Variants in TMEFF1 observed in about 807,000 individuals in gnomAD.
TMEFF1 encodes the protein tomoregulin-1.
TMEFF1 carries 20 observed loss-of-function variants against 47.5 expected under a neutral mutation model. The observed-to-expected ratio is 0.42, with a 90% CI of 0.30 to 0.61. The LOEUF (loss-of-function observed/expected upper bound fraction) is 0.61. TMEFF1 is among the 20% of genes least tolerant of loss of function. The probability of loss-of-function intolerance (pLI) is 0.19; values close to 1 mark genes in which losing one functional copy is unlikely to be tolerated. For synonymous variants in TMEFF1, 162 were observed against 166.3 expected, an observed-to-expected ratio of 0.97 and a Z score of 0.20; for missense variants, 411 against 471.1, an observed-to-expected ratio of 0.87 and a Z score of 1.18.
intron 1 of TMEFF1, among the ~76,000 whole-genome samples, chr9:100,496,583 T>G (rs1001166199): frequency 6.6e-6 from 1 of 152,206 alleles, no homozygotes; most frequent in Non-Finnish European, 1.5e-5. Flanking sequence ...GGGATGATTA[T>G]TCCCCTAAAG....
intron 5 of TMEFF1, among the ~76,000 whole-genome samples, chr9:100,536,968 T>TATG (rs1157835316): frequency 1.3e-5 from 2 of 152,242 alleles, no homozygotes; most frequent in Non-Finnish European, 2.9e-5. Flanking sequence ...TTGTCAACAT[T>TATG]ATGAATATGT....
At chr9:100,492,531 G>T (rs1170311686) in intron 1 of TMEFF1, among the ~76,000 whole-genome samples, 1 of 152,194 alleles carries the variant, frequency 6.6e-6, no homozygotes, top group Admixed American at 6.5e-5. Context: ...CATAGGCATT[G>T]CTCTGTAGGT....
chr9:100,538,907 A>G (rs1838569071), intron 5 of TMEFF1, among the ~76,000 whole-genome samples: 1 of 151,522 alleles, frequency 6.6e-6, no homozygotes, highest in Non-Finnish European at 1.5e-5. Context: ...CGAGTAGGAG[A>G]TATTCTTTTT....
chr9:100,497,899 C>T (rs1395352067), intron 1 of TMEFF1, among the ~76,000 whole-genome samples: 1 of 151,724 alleles, frequency 6.6e-6, no homozygotes, highest in African/African-American at 2.4e-5. Context: ...ATGTATTCAC[C>T]ACTACACTGG....
chr9:100,544,289 G>A (rs1002927095), intron 5 of TMEFF1, among the ~76,000 whole-genome samples: 1 of 152,124 alleles, frequency 6.6e-6, no homozygotes, highest in African/African-American at 2.4e-5. Flanking sequence ...AAAAGAAAGG[G>A]TTTAATTGGA....
intron 3 of TMEFF1, among the ~76,000 whole-genome samples, chr9:100,511,842 T>C (rs1837972478): frequency 6.6e-6 from 1 of 152,160 alleles, no homozygotes; most frequent in Non-Finnish European, 1.5e-5. Context: ...CGGAATCGTG[T>C]AGGTTGGGGC....
In TMEFF1 at chr9:100,545,281, A is replaced by G. The variant is rs905456154; in HGVS notation, c.561-2463A>G. 5.3e-5 allele frequency among the ~76,000 whole-genome samples: 8 copies of G among 152,060 alleles called. No homozygotes were observed. The South Asian group carries it at 1.7e-3, about 32-fold the overall frequency. ...TGCCTGGGCATCCAGGCATTTCCAT[A>G]CATCCTCTGAAATCTAGGTGGAGGT... On this transcript the variant is annotated intron_variant, in intron 5 of 9. Transcript: ENST00000374879.
intron 5 of TMEFF1, among the ~76,000 whole-genome samples, chr9:100,530,946 A>G (rs1266766095): frequency 6.6e-6 from 1 of 152,022 alleles, no homozygotes; most frequent in East Asian, 1.9e-4. Context: ...GCAAATCAAT[A>G]AATGTAATCC....
At chr9:100,537,133 T>C (rs1320542490) in intron 5 of TMEFF1, among the ~76,000 whole-genome samples, 3 of 152,054 alleles carry the variant, frequency 2.0e-5, no homozygotes, top group African/African-American at 7.2e-5. Flanking sequence ...ACCTACAGAG[T>C]TGAGTATATT....
chr9:100,528,463 A>T (rs1223053434), intron 5 of TMEFF1, among the ~76,000 whole-genome samples: 1 of 147,436 alleles, frequency 6.8e-6, no homozygotes, highest in Non-Finnish European at 1.5e-5. Context: ...TCAGGAGCCG[A>T]TGCGATCAAC....
At chr9:100,474,802 C>G (rs1032534504) in intron 1 of TMEFF1, among the ~76,000 whole-genome samples, 3 of 152,090 alleles carry the variant, frequency 2.0e-5, no homozygotes, top group African/African-American at 7.2e-5. Context: ...GCTTGCCCCC[C>G]CACAGCTGTT....
chr9:100,576,637 T>A lies in TMEFF1; in HGVS notation c.*37T>A, dbSNP rs1413906973. On this transcript the variant is annotated 3_prime_UTR_variant, in exon 10 of 10. Coordinates refer to ENST00000374879, the MANE Select transcript of TMEFF1 (RefSeq NM_003692.5). The stretch of plus-strand genomic sequence containing the variant: ...TTATATGTACACTGACCATGTGATG[T>A]ACATTTATTATGTCTTTTTTTAAAG... 1 of 1,559,896 alleles carries A rather than the reference T, an allele frequency of 6.4e-7. No homozygotes were observed. Among genetic ancestry groups the A allele is most frequent in the Non-Finnish European group, 8.6e-7 (1 of 1,157,422 alleles).
At chr9:100,515,553 T>G (rs1838051529) in intron 4 of TMEFF1, among the ~76,000 whole-genome samples, 1 of 152,070 alleles carries the variant, frequency 6.6e-6, no homozygotes, top group South Asian at 2.1e-4. Flanking sequence ...TTTGGGAGAC[T>G]GAGGTGGGCG....
Position 100,509,210 on chromosome 9 carries a change from G to A in TMEFF1, c.436+76G>A, listed in dbSNP as rs555490522. 46 of 1,402,342 alleles carry A rather than the reference G, an allele frequency of 3.3e-5. No individual in the cohort carries two copies. The South Asian group carries it at 7.5e-4, about 23-fold the overall frequency. The allele number at this position is 1,402,342 out of a possible 1,614,324, so 86.9% of individuals were successfully genotyped here. On this transcript the variant is annotated intron_variant, in intron 3 of 9. Transcript: ENST00000374879. ...TTCTAAAAGGGGGTTTTGAGTCAGA[G>A]GTATATTTCCACAACTGCTGTGTGG...
chr9:100,546,887 C>G lies in TMEFF1; in HGVS notation c.561-857C>G, dbSNP rs1032792189. Among the ~76,000 whole-genome samples, 5 of 152,182 alleles carry G rather than the reference C, an allele frequency of 3.3e-5. No individual in the cohort carries two copies. The East Asian group carries it at 5.8e-4, about 18-fold the overall frequency. On this transcript the variant is annotated intron_variant, in intron 5 of 9. Coordinates refer to ENST00000374879, the MANE Select transcript of TMEFF1 (RefSeq NM_003692.5). ...GACTTCTTTTGCCTTCTCTGTAGTA[C>G]AACACTCAGTGTTCAGTGGATACTC... is the stretch of plus-strand genomic sequence containing the variant.
Position 100,473,620 on chromosome 9 carries a change from G to C in TMEFF1, c.76G>C (p.Val26Leu). Residue 26 changes from valine to leucine, a missense_variant, in exon 1 of 10, where the codon GTG becomes CTG. Val to Leu is a conservative substitution (Grantham distance 32). Transcript: ENST00000374879. The surrounding 1 kb of genome is among the most constrained non-coding windows in gnomAD (Gnocchi z 5.4). ...GCTCGCCTTCTGCTGCTACACGTCG[G>C]TGCTTCTGCTCTTCGCCTTCTCTCT... Reference protein sequence around the residue: ...PPLAFCCYTSVLLLFAFSLPG... With the variant: ...PPLAFCCYTSLLLLFAFSLPG... 1 of 1,560,394 alleles carries C rather than the reference G, an allele frequency of 6.4e-7. No individual in the cohort carries two copies. The highest frequency in any genetic ancestry group is 1.7e-4 in the Middle Eastern group (1 of 5,828).
chr9:100,543,220 G>T (rs1388308513), intron 5 of TMEFF1, among the ~76,000 whole-genome samples: 1 of 152,036 alleles, frequency 6.6e-6, no homozygotes, highest in South Asian at 2.1e-4. Flanking sequence ...GAGCCACTGC[G>T]CCCAGCCCAT....
At chr9:100,569,520 C>G (rs1839186727) in intron 8 of TMEFF1, among the ~76,000 whole-genome samples, 2 of 151,578 alleles carry the variant, frequency 1.3e-5, no homozygotes, top group Admixed American at 6.6e-5. Context: ...TCCTTAAGTA[C>G]AAAAGATTTT....
intron 5 of TMEFF1, among the ~76,000 whole-genome samples, chr9:100,532,273 G>A (rs1201846494): frequency 2.6e-5 from 4 of 152,158 alleles, no homozygotes; most frequent in Non-Finnish European, 5.9e-5. Context: ...CCTCTGCACA[G>A]CAAAAGAAAC....
Sources: gnomAD v4.1 joint callset for allele counts (sites outside exome capture counted in the v4.1 genomes callset) on GRCh38, gnomAD v4.1.1 for gene constraint, Gnocchi (gnomAD v3.1) non-coding constraint, MANE v1.5 for transcripts, NCBI Gene and HGNC (gene_info 2026-07-23, HGNC 2026-07-21) for gene names.